The following KIAA1217 variants were observed in gnomAD, a reference collection of about 807,000 sequenced individuals.
The protein encoded by KIAA1217 is sickle tail protein homolog.
In KIAA1217, 88 loss-of-function variants were observed where a neutral mutation model predicts 163.9. The observed-to-expected ratio is 0.54, with a 90% confidence interval of 0.45 to 0.64. The LOEUF (loss-of-function observed/expected upper bound fraction) is 0.64. KIAA1217 is among the 30% of genes least tolerant of loss of function. KIAA1217 has a pLI of 0.00. For synonymous variants in KIAA1217, 903 were observed against 923.1 expected, an observed-to-expected ratio of 0.98 and a Z score of 0.39; for missense variants, 2,372 against 2,475.0, an observed-to-expected ratio of 0.96 and a Z score of 0.88.
rs1835818848 is a variant in KIAA1217 at position 23,790,487 on chromosome 10, A to ACATATATACATGTG, written c.-321+95265_-321+95278dup. Among the ~76,000 whole-genome samples, 2 of 112,604 alleles carry ACATATATACATGTG rather than the reference A, an allele frequency of 1.8e-5. 1 individual carries two copies. Among genetic ancestry groups the ACATATATACATGTG allele is most frequent in the African/African-American group, 8.0e-5 (2 of 25,152 alleles). The allele number at this position is 112,604 out of a possible 152,430, so 73.9% of individuals were successfully genotyped here. On this transcript the variant is annotated intron_variant, in intron 1 of 18. Coordinates refer to the KIAA1217 transcript ENST00000376462. ...TATACATATATACATGTGCATATATACATATATACATGTGCATATATACAT... is the reference window on the plus strand; with the variant it reads ...TATACATATATACATGTGCATATATACATATATACATGTGCATATATACATGTGCATATATACAT...
upstream of KIAA1217, among the ~76,000 whole-genome samples, chr10:24,207,282 T>TCACACACA (rs71397934): frequency 3.7e-3 from 519 of 140,222 alleles, 1 homozygote; most frequent in East Asian, 0.014. Context: ...TCTCTCTCTC[T>TCACACACA]CACACACACA....
intron 2 of KIAA1217, among the ~76,000 whole-genome samples, chr10:24,040,142 C>T (rs769911622): frequency 6.6e-6 from 1 of 152,214 alleles, no homozygotes; most frequent in Non-Finnish European, 1.5e-5. Flanking sequence ...GGCCAAAGTC[C>T]TTTGCCAGGT....
At chr10:24,265,820 G>A (rs1192154842) in intron 2 of KIAA1217, among the ~76,000 whole-genome samples, 1 of 152,138 alleles carries the variant, frequency 6.6e-6, no homozygotes, top group Non-Finnish European at 1.5e-5. Flanking sequence ...TACAAGGGTG[G>A]TGAGTAGTAA....
intron 1 of KIAA1217, among the ~76,000 whole-genome samples, chr10:23,770,079 C>T: frequency 6.6e-6 from 1 of 152,212 alleles, no homozygotes; most frequent in East Asian, 1.9e-4. Flanking sequence ...TACAATGGGA[C>T]AAGTTCATAA....
intron 2 of KIAA1217, among the ~76,000 whole-genome samples, chr10:24,107,048 C>G (rs2062659169): frequency 6.6e-6 from 1 of 152,190 alleles, no homozygotes; most frequent in Non-Finnish European, 1.5e-5. Context: ...CCTCCACCCT[C>G]AAGTAAATCC....
intron 1 of KIAA1217, among the ~76,000 whole-genome samples, chr10:23,811,520 G>A (rs569393156): frequency 6.6e-6 from 1 of 151,848 alleles, no homozygotes; most frequent in Admixed American, 6.6e-5. Context: ...ATTTTCTTTA[G>A]TCAAGTGTAT....
At chr10:24,255,546 A>T (rs1216738865) in intron 2 of KIAA1217, 1 of 455,984 alleles carries the variant, frequency 2.2e-6, no homozygotes, top group Non-Finnish European at 4.4e-6. Context: ...GAAAGGAGGC[A>T]TCACATGTTT....
intron 1 of KIAA1217, among the ~76,000 whole-genome samples, chr10:23,888,885 A>C (rs1307457596): frequency 6.6e-6 from 1 of 151,810 alleles, no homozygotes; most frequent in Non-Finnish European, 1.5e-5. Flanking sequence ...AACCGATCTG[A>C]CATTTAGCAC....
intron 3 of KIAA1217, among the ~76,000 whole-genome samples, chr10:24,400,024 G>C (rs2056339069): frequency 6.6e-6 from 1 of 152,192 alleles, no homozygotes; most frequent in South Asian, 2.1e-4. Context: ...CATAGCAACA[G>C]GAAAATGAAC....
rs148130144 is a variant in KIAA1217, at chr10:24,025,957, A to G, written c.-171+18583A>G. 4.7e-3 allele frequency among the ~76,000 whole-genome samples: 712 copies of G among 151,958 alleles called. 3 individuals are homozygous for G. The highest frequency in any genetic ancestry group is 0.017 in the African/African-American group (693 of 41,534). ...ACAATAACGTTATTTATAAATGACAATAGTTGTAACTTTCTCTTTCTAATT... is the reference window on the plus strand; with the variant it reads ...ACAATAACGTTATTTATAAATGACAGTAGTTGTAACTTTCTCTTTCTAATT... On this transcript the variant is annotated intron_variant, in intron 2 of 18. Transcript: ENST00000376462.
intron 1 of KIAA1217, among the ~76,000 whole-genome samples, chr10:23,702,666 TACAC>T (rs377621544): frequency 0.028 from 3,740 of 134,338 alleles, 72 homozygotes; most frequent in African/African-American, 0.056. Context: ...AACAGGAGAA[TACAC>T]ACACACACAC....
chr10:24,332,864 A>C (rs947258439), intron 2 of KIAA1217, among the ~76,000 whole-genome samples: 2 of 152,184 alleles, frequency 1.3e-5, no homozygotes, highest in African/African-American at 4.8e-5. Context: ...GGCAGGAAAC[A>C]CAGAAAATGG....
At chr10:24,417,872 TGGTTATTAACATAAC>T (rs954457161) in intron 3 of KIAA1217, among the ~76,000 whole-genome samples, 2 of 151,336 alleles carry the variant, frequency 1.3e-5, no homozygotes, top group African/African-American at 2.4e-5. Flanking sequence ...TTTTTTTTTT[TGGTTATTAACATAAC>T]TTAAGTGGAA....
At chr10:24,355,589 G>A (rs1409261299) in intron 2 of KIAA1217, among the ~76,000 whole-genome samples, 1 of 152,006 alleles carries the variant, frequency 6.6e-6, no homozygotes, top group African/African-American at 2.4e-5. Flanking sequence ...TCACATTGGA[G>A]ATTAGGGCTT....
intron 1 of KIAA1217, among the ~76,000 whole-genome samples, chr10:23,774,885 G>T (rs1008195593): frequency 6.6e-6 from 1 of 152,168 alleles, no homozygotes; most frequent in Non-Finnish European, 1.5e-5. Flanking sequence ...GTATAAGCTT[G>T]CTTTATAAGT....
At chr10:23,707,633 T>C (rs1378341693) in intron 1 of KIAA1217, among the ~76,000 whole-genome samples, 1 of 152,180 alleles carries the variant, frequency 6.6e-6, no homozygotes, top group Non-Finnish European at 1.5e-5. Context: ...AGATACAATG[T>C]TCACTATTTG....
At chr10:24,074,588 G>A (rs1346199244) in intron 2 of KIAA1217, among the ~76,000 whole-genome samples, 1 of 152,050 alleles carries the variant, frequency 6.6e-6, no homozygotes, top group Non-Finnish European at 1.5e-5. Flanking sequence ...AGAAAGGAGA[G>A]GCAGGTCATA....
intron 2 of KIAA1217, among the ~76,000 whole-genome samples, chr10:24,154,926 CAAAAAAA>C (rs1250719385): frequency 1.5e-5 from 1 of 68,706 alleles, no homozygotes; most frequent in African/African-American, 5.1e-5. Context: ...GACTCCATGT[CAAAAAAA>C]AAAAAAAAAA....
chr10:23,756,320 A>T (rs1833917558), intron 1 of KIAA1217, among the ~76,000 whole-genome samples: 1 of 152,124 alleles, frequency 6.6e-6, no homozygotes, highest in Admixed American at 6.6e-5. Context: ...ACCTGTAAAT[A>T]AATAGGAACT....
Sources: gnomAD v4.1 joint callset for allele counts (sites outside exome capture counted in the v4.1 genomes callset) on GRCh38, gnomAD v4.1.1 for gene constraint, MANE v1.5 for transcripts, NCBI Gene and HGNC (gene_info 2026-07-23, HGNC 2026-07-21) for gene names.